The following SEM1 variants were observed in gnomAD, a reference collection of about 807,000 sequenced individuals.
SEM1 encodes the protein 26S proteasome complex subunit SEM1.
A neutral mutation model predicts 12.7 loss-of-function variants in SEM1; 3 were observed. The ratio of observed to expected loss-of-function variants is 0.24; its 90% CI spans 0.11 to 0.61. The LOEUF (loss-of-function observed/expected upper bound fraction) is 0.61. SEM1 is among the 20% of genes least tolerant of loss of function. The pLI is 0.88. For missense variants in SEM1, 59 were observed against 81.3 expected (o/e 0.73, Z 1.06); for synonymous variants, 30 against 27.8 (o/e 1.08, Z -0.25).
chr7:96,596,691 A>G (rs1807008152), intron 2 of SEM1, among the ~76,000 whole-genome samples: 1 of 152,134 alleles, frequency 6.6e-6, no homozygotes, highest in Non-Finnish European at 1.5e-5. Context: ...CATGGAACAC[A>G]CTCAGAAGTC....
intron 2 of SEM1, among the ~76,000 whole-genome samples, chr7:96,537,975 CT>C (rs1804838856): frequency 6.6e-6 from 1 of 151,662 alleles, no homozygotes; most frequent in East Asian, 1.9e-4. Flanking sequence ...TGTTTGTTTT[CT>C]TTTTTTAACT....
intron 2 of SEM1, among the ~76,000 whole-genome samples, chr7:96,632,952 C>CA (rs1046594150): frequency 6.6e-6 from 1 of 151,896 alleles, no homozygotes; most frequent in African/African-American, 2.4e-5. Context: ...AATTTCTAAG[C>CA]AAAGTTTGAC....
At chr7:96,506,274 C>T (rs1221858582) in intron 3 of SEM1, among the ~76,000 whole-genome samples, 1 of 152,088 alleles carries the variant, frequency 6.6e-6, no homozygotes, top group Non-Finnish European at 1.5e-5. Flanking sequence ...TATATGGACA[C>T]ATTAATCTTA....
intron 2 of SEM1, among the ~76,000 whole-genome samples, chr7:96,681,427 T>C (rs547558486): frequency 4.6e-5 from 7 of 152,100 alleles, no homozygotes; most frequent in African/African-American, 7.2e-5. Context: ...TGGGAGTAGA[T>C]AGATTCTTAA....
At chr7:96,708,784 G>A (rs1790549494) in intron 1 of SEM1, among the ~76,000 whole-genome samples, 1 of 152,132 alleles carries the variant, frequency 6.6e-6, no homozygotes, top group Admixed American at 6.5e-5. Flanking sequence ...TTTATCTGAA[G>A]AATGGCAATA....
intron 1 of SEM1, among the ~76,000 whole-genome samples, chr7:96,705,155 C>T (rs1790409701): frequency 6.6e-6 from 1 of 152,134 alleles, no homozygotes; most frequent in Non-Finnish European, 1.5e-5. Context: ...CCCATCATAA[C>T]ACTGTCTTAT....
intron 2 of SEM1, among the ~76,000 whole-genome samples, chr7:96,513,763 A>G (rs752753077): frequency 4.6e-5 from 7 of 152,108 alleles, no homozygotes; most frequent in Non-Finnish European, 8.8e-5. Flanking sequence ...CAGGAGGCAG[A>G]GGTTGCAGTA....
chr7:96,603,259 A>G (rs1807246208), intron 2 of SEM1, among the ~76,000 whole-genome samples: 1 of 152,186 alleles, frequency 6.6e-6, no homozygotes, highest in African/African-American at 2.4e-5. Context: ...GGCAATGATA[A>G]GAAACTTCTA....
chr7:96,578,636 A>G (rs1471215738), intron 2 of SEM1, among the ~76,000 whole-genome samples: 1 of 152,260 alleles, frequency 6.6e-6, no homozygotes, highest in African/African-American at 2.4e-5. Flanking sequence ...ATGCTAAGAC[A>G]AGACATTGGT....
intron 2 of SEM1, among the ~76,000 whole-genome samples, chr7:96,547,182 T>C (rs1313559483): frequency 1.3e-5 from 2 of 152,168 alleles, no homozygotes; most frequent in East Asian, 3.9e-4. Flanking sequence ...TATATAAGCA[T>C]ATGCATTTTA....
intron 1 of SEM1, among the ~76,000 whole-genome samples, chr7:96,709,211 G>A (rs955526555): frequency 2.2e-4 from 34 of 152,132 alleles, no homozygotes; most frequent in African/African-American, 7.5e-4. Context: ...TAAGCACCCC[G>A]TATCTTACCC....
intron 2 of SEM1, 109 bp downstream of exon 2, chr7:96,694,689 C>T: frequency 1.4e-6 from 1 of 695,520 alleles, no homozygotes; most frequent in Non-Finnish European, 2.5e-6. Flanking sequence ...GTTCAAAAAC[C>T]TATTTCAAAG....
At chr7:96,633,430 T>A (rs530006667) in intron 2 of SEM1, among the ~76,000 whole-genome samples, 5 of 152,266 alleles carry the variant, frequency 3.3e-5, no homozygotes, top group East Asian at 1.9e-4. Context: ...TCTTTTAATC[T>A]ACTTATTTTC....
At chr7:96,489,789 C>T (rs149120774) in intron 1 of SEM1, among the ~76,000 whole-genome samples, 3 of 152,326 alleles carry the variant, frequency 2.0e-5, no homozygotes, top group Non-Finnish European at 2.9e-5. Flanking sequence ...ACTCTAGTCT[C>T]TGCCTCCGCC....
chr7:96,653,701 A>T (rs1262600667), intron 2 of SEM1: 7 of 152,174 alleles, frequency 4.6e-5, no homozygotes, highest in Admixed American at 4.6e-4. Flanking sequence ...AATCTATATC[A>T]TTATTACCTT....
At chr7:96,704,154 A>T (rs369603913) in intron 1 of SEM1, among the ~76,000 whole-genome samples, 4 of 152,148 alleles carry the variant, frequency 2.6e-5, no homozygotes, top group African/African-American at 7.2e-5. Flanking sequence ...TAAATAATAA[A>T]AATCAAGTAG....
At chr7:96,494,161 A>G (rs563767442) in intron 1 of SEM1, among the ~76,000 whole-genome samples, 2 of 152,344 alleles carry the variant, frequency 1.3e-5, no homozygotes, top group Non-Finnish European at 2.9e-5. Context: ...GAAAGAGTTC[A>G]GCTTAAATAG....
At chr7:96,530,950 AT>A (rs532030947) in intron 2 of SEM1, among the ~76,000 whole-genome samples, 15 of 152,236 alleles carry the variant, frequency 9.9e-5, no homozygotes, top group African/African-American at 3.1e-4. Flanking sequence ...GAAAAGGAAC[AT>A]TTATTTAACA....
intron 2 of SEM1, among the ~76,000 whole-genome samples, chr7:96,551,000 C>G (rs1805250910): frequency 6.6e-6 from 1 of 152,088 alleles, no homozygotes; most frequent in Admixed American, 6.5e-5. Context: ...TGCATCAGTT[C>G]AGGTCCTCTG....
Sources: gnomAD v4.1 joint callset for allele counts (sites outside exome capture counted in the v4.1 genomes callset) on GRCh38, gnomAD v4.1.1 for gene constraint, MANE v1.5 for transcripts, NCBI Gene and HGNC (gene_info 2026-07-23, HGNC 2026-07-21) for gene names.